EPHB1: variants seen among roughly 807,000 people sequenced by gnomAD.
The protein encoded by EPHB1 is EPH receptor B1.
In EPHB1, 30 loss-of-function variants were observed where a neutral mutation model predicts 94.4. The ratio of observed to expected loss-of-function variants is 0.32; its 90% CI spans 0.24 to 0.43. EPHB1 has a LOEUF of 0.43. EPHB1 is among the 20% of genes least tolerant of loss of function. The pLI, the probability that EPHB1 is intolerant of heterozygous loss-of-function variation, is 1.00. For synonymous variants in EPHB1, 522 were observed against 489.1 expected (o/e 1.07, Z -0.89); for missense variants, 1,055 against 1,308.3 (o/e 0.81, Z 2.99).
intron 10 of EPHB1, among the ~76,000 whole-genome samples, chr3:135,190,264 G>A (rs1012836462): frequency 3.9e-5 from 6 of 152,186 alleles, no homozygotes; most frequent in African/African-American, 1.4e-4. Flanking sequence ...CACATAGTAG[G>A]TGGTTAATAA....
At chr3:134,832,797 C>G (rs2036602791) in intron 1 of EPHB1, among the ~76,000 whole-genome samples, 1 of 152,144 alleles carries the variant, frequency 6.6e-6, no homozygotes, top group Non-Finnish European at 1.5e-5. Flanking sequence ...TGATGATATA[C>G]AAGTCTCCAG....
At chr3:134,989,269 C>G (rs1934706716) in intron 3 of EPHB1, among the ~76,000 whole-genome samples, 1 of 152,024 alleles carries the variant, frequency 6.6e-6, no homozygotes, top group African/African-American at 2.4e-5. Context: ...ATTACAAATG[C>G]CTTATTGAAA....
At chr3:134,885,898 GA>G (rs2037853396) in intron 1 of EPHB1, among the ~76,000 whole-genome samples, 1 of 152,182 alleles carries the variant, frequency 6.6e-6, no homozygotes, top group African/African-American at 2.4e-5. Flanking sequence ...CAGCATGAGA[GA>G]GAGCACAGGT....
intron 1 of EPHB1, among the ~76,000 whole-genome samples, chr3:134,914,100 T>C (rs999200745): frequency 1.3e-5 from 2 of 152,120 alleles, no homozygotes; most frequent in African/African-American, 4.8e-5. Context: ...GAACTGAAGC[T>C]GAAGGCTGGG....
chr3:135,172,230 A>ATGAC (rs1941824306), intron 9 of EPHB1, among the ~76,000 whole-genome samples: 1 of 152,228 alleles, frequency 6.6e-6, no homozygotes, highest in African/African-American at 2.4e-5. Flanking sequence ...CCCAGGCAGG[A>ATGAC]ACCTGGAAGT....
rs562198138 is a variant in EPHB1, at chr3:134,876,240, T to G, written c.59-49576T>G. Among the ~76,000 whole-genome samples the G allele has an allele frequency of 4.6e-5, 7 of 152,274 alleles. 1 individual carries two copies. The East Asian group carries it at 1.4e-3, about 29-fold the overall frequency. The stretch of plus-strand genomic sequence containing the variant: ...ATAGTGTGCTGTTCTCCAACCATGT[T>G]CAGGCTGATGCTGGCCTCCCCATCT... On this transcript the variant is annotated intron_variant, in intron 1 of 15. Transcript: ENST00000398015.
At chr3:134,809,626 G>C (rs1346938481) in intron 1 of EPHB1, among the ~76,000 whole-genome samples, 1 of 152,138 alleles carries the variant, frequency 6.6e-6, no homozygotes, top group African/African-American at 2.4e-5. Flanking sequence ...AGACTGCCAG[G>C]GCTACATCGC....
intron 3 of EPHB1, among the ~76,000 whole-genome samples, chr3:135,027,293 A>C (rs1376681795): frequency 6.6e-5 from 10 of 151,260 alleles, no homozygotes; most frequent in Non-Finnish European, 8.9e-5. Context: ...GTCTTGTGCC[A>C]GTTTTCAAAG....
chr3:135,149,829 A>G (rs1034970575), intron 5 of EPHB1, among the ~76,000 whole-genome samples: 5 of 152,222 alleles, frequency 3.3e-5, no homozygotes, highest in Non-Finnish European at 7.3e-5. Flanking sequence ...AGGGATGGCC[A>G]TCACCCTCTG....
chr3:135,005,210 A>G (rs548176360), intron 3 of EPHB1, among the ~76,000 whole-genome samples: 70 of 152,172 alleles, frequency 4.6e-4, no homozygotes, highest in Admixed American at 7.2e-4. Flanking sequence ...CTGTTGGAGT[A>G]CCCTGCAGTG....
intron 12 of EPHB1, among the ~76,000 whole-genome samples, chr3:135,235,858 T>C (rs1943639046): frequency 6.6e-6 from 1 of 152,110 alleles, no homozygotes; most frequent in African/African-American, 2.4e-5. Context: ...CGAGGTCTGA[T>C]CAACAGCAGT....
At chr3:134,928,776 C>A (rs1007419773) in intron 2 of EPHB1, among the ~76,000 whole-genome samples, 1 of 152,134 alleles carries the variant, frequency 6.6e-6, no homozygotes, top group African/African-American at 2.4e-5. Flanking sequence ...GAGGTGAGAG[C>A]TTTGGATGGA....
At chr3:134,795,778 G>A in intron 1 of EPHB1, 89 bp downstream of exon 1, 1 of 1,406,098 alleles carries the variant, frequency 7.1e-7, no homozygotes, top group Non-Finnish European at 1.0e-6. Context: ...TCCTCTGGCT[G>A]CTTTGCGGTG....
intron 3 of EPHB1, among the ~76,000 whole-genome samples, chr3:134,981,529 G>T (rs948036805): frequency 2.0e-5 from 3 of 152,060 alleles, no homozygotes; most frequent in African/African-American, 7.2e-5. Context: ...CCTCAAAATG[G>T]CCAGGAAGTA....
At chr3:134,961,771 A>G (rs1027066202) in intron 3 of EPHB1, among the ~76,000 whole-genome samples, 1 of 152,190 alleles carries the variant, frequency 6.6e-6, no homozygotes, top group Non-Finnish European at 1.5e-5. Context: ...ATTTCATTGC[A>G]TGGATATATT....
intron 5 of EPHB1, among the ~76,000 whole-genome samples, chr3:135,138,829 AT>A (rs1429657572): frequency 1.3e-5 from 2 of 152,158 alleles, no homozygotes; most frequent in Non-Finnish European, 2.9e-5. Flanking sequence ...TTTTGTTTTT[AT>A]TGTTTCTTAA....
At chr3:134,902,583 GCTT>G (rs1276578543) in intron 1 of EPHB1, among the ~76,000 whole-genome samples, 23 of 152,170 alleles carry the variant, frequency 1.5e-4, no homozygotes, top group African/African-American at 5.1e-4. Context: ...GATTAAAATG[GCTT>G]CTTCATCTCA....
In EPHB1 at chr3:135,076,824, G is replaced by C. The variant is rs566955920; in HGVS notation, c.806-29624G>C. On this transcript the variant is annotated intron_variant, in intron 3 of 15. Coordinates refer to ENST00000398015, the MANE Select transcript of EPHB1 (RefSeq NM_004441.5). ...GATGAATGCCAAAACATTGTGCTAA[G>C]TTATTGAAGCCAGATTTTTGAAAAT... is the stretch of plus-strand genomic sequence containing the variant. Among the ~76,000 whole-genome samples, 13 of 152,336 alleles carry C rather than the reference G, an allele frequency of 8.5e-5. No individual in the cohort carries two copies. The South Asian group carries it at 2.3e-3, about 27-fold the overall frequency.
chr3:135,202,906 A>C (rs950683546), intron 12 of EPHB1, among the ~76,000 whole-genome samples: 2 of 152,224 alleles, frequency 1.3e-5, no homozygotes, highest in African/African-American at 4.8e-5. Context: ...TTCTACTATA[A>C]AGACACATGC....
Sources: allele counts gnomAD v4.1 joint callset (sites outside exome capture counted in the v4.1 genomes callset), GRCh38; gene constraint gnomAD v4.1.1; transcripts MANE v1.5; gene names NCBI Gene and HGNC (gene_info 2026-07-23, HGNC 2026-07-21).